PTGIS: variants seen among roughly 807,000 people sequenced by gnomAD.
PTGIS encodes the protein prostaglandin I2 synthase, also known as prostacyclin synthase.
PTGIS carries 45 observed loss-of-function variants against 50.3 expected under a neutral mutation model. That is an observed-to-expected ratio of 0.90 (90% CI 0.70 to 1.15). PTGIS has a LOEUF of 1.15. Ranked by LOEUF, PTGIS falls within the 50% of genes most tolerant of loss-of-function variation. The pLI is 0.00. For synonymous variants in PTGIS, 260 were observed against 267.7 expected (o/e 0.97, Z 0.28); for missense variants, 668 against 661.3 (o/e 1.01, Z -0.11).
At chr20:49,537,032 A>T (rs903800097) in intron 5 of PTGIS, among the ~76,000 whole-genome samples, 1 of 152,156 alleles carries the variant, frequency 6.6e-6, no homozygotes, top group Non-Finnish European at 1.5e-5. Flanking sequence ...CCAGCAAGGA[A>T]GCAGCAGCGC....
chr20:49,533,854 G>A (rs1261522679), intron 5 of PTGIS, among the ~76,000 whole-genome samples: 4 of 152,022 alleles, frequency 2.6e-5, no homozygotes, highest in African/African-American at 7.3e-5. Flanking sequence ...CCAGCTACTC[G>A]GGGGGCTGAG....
chr20:49,537,420 C>T (rs574460985), intron 5 of PTGIS, among the ~76,000 whole-genome samples: 7 of 152,262 alleles, frequency 4.6e-5, no homozygotes, highest in Admixed American at 3.9e-4. Context: ...AAGCTGTAAG[C>T]GGTACAACAA....
chr20:49,563,503 A>G (rs1982826156), intron 1 of PTGIS, among the ~76,000 whole-genome samples: 1 of 152,242 alleles, frequency 6.6e-6, no homozygotes, highest in Non-Finnish European at 1.5e-5. Context: ...AATAGGGAGT[A>G]GTGGGGACTG....
chr20:49,534,776 A>G (rs1982027590), intron 5 of PTGIS, among the ~76,000 whole-genome samples: 1 of 152,202 alleles, frequency 6.6e-6, no homozygotes, highest in Non-Finnish European at 1.5e-5. Context: ...GAGTTCCTCT[A>G]AAAAGATAAT....
At chr20:49,542,178 A>G (rs1162716307) in intron 4 of PTGIS, among the ~76,000 whole-genome samples, 1 of 152,140 alleles carries the variant, frequency 6.6e-6, no homozygotes, top group Non-Finnish European at 1.5e-5. Context: ...CAAGGTGAGG[A>G]CAGAGGAGAA....
intron 3 of PTGIS, 50 bp from the exon 4 acceptor site, chr20:49,544,498 A>G (rs1205634071): frequency 6.2e-7 from 1 of 1,609,108 alleles, no homozygotes; most frequent in South Asian, 1.1e-5. Context: ...AGGGAAATAC[A>G]CACCTACAGG....
At chr20:49,527,439 A>G (rs2036168347) in intron 5 of PTGIS, among the ~76,000 whole-genome samples, 1 of 152,196 alleles carries the variant, frequency 6.6e-6, no homozygotes, top group Admixed American at 6.5e-5. Context: ...CCTGGGCGAC[A>G]GAGACTCTGT....
At position 49,507,917 on chromosome 20, in the gene PTGIS, G is replaced by A; in HGVS notation, c.*3C>T. On this transcript the variant is annotated 3_prime_UTR_variant, in exon 10 of 10. Coordinates refer to ENST00000244043, the MANE Select transcript of PTGIS (RefSeq NM_000961.4). ...GAGCACGTGGATCCATCTGCTCCCTGTGTCATGGGCGGATGCGGTAGCGGA... is the reference window on the plus strand; with the variant it reads ...GAGCACGTGGATCCATCTGCTCCCTATGTCATGGGCGGATGCGGTAGCGGA... 6.2e-7 allele frequency: 1 copy of A among 1,611,406 alleles called. No individual in the cohort carries two copies.
intron 5 of PTGIS, among the ~76,000 whole-genome samples, chr20:49,528,377 C>T (rs1419433498): frequency 2.0e-5 from 3 of 152,020 alleles, no homozygotes; most frequent in East Asian, 3.9e-4. Context: ...TTGGGGAGGC[C>T]GAGACGGGCA....
chr20:49,542,789 TGA>T (rs1433851771), intron 4 of PTGIS, among the ~76,000 whole-genome samples: 2 of 152,174 alleles, frequency 1.3e-5, no homozygotes, highest in African/African-American at 4.8e-5. Flanking sequence ...GAGCTGTGGC[TGA>T]GAGTGCAGAC....
intron 5 of PTGIS, among the ~76,000 whole-genome samples, chr20:49,534,313 C>T (rs983000683): frequency 6.6e-6 from 1 of 152,158 alleles, no homozygotes; most frequent in African/African-American, 2.4e-5. Context: ...CAGGTTCTGC[C>T]AAAAGAGGCT....
rs756789210 is a variant in PTGIS, at chr20:49,511,021, C to G, written c.1358+7G>C. 2 of 1,612,554 alleles carry G rather than the reference C, an allele frequency of 1.2e-6. No homozygotes were observed. Among genetic ancestry groups the G allele is most frequent in the Admixed American group, 3.3e-5 (2 of 60,034 alleles). On this transcript the variant is annotated splice_region_variant and intron_variant, in intron 9 of 9. Transcript: ENST00000244043. ...CCACCCTGGCCCTGCCCTGGCCCCC[C>G]ACTCACTGTTTGATGCTGTTGACCG...
intron 5 of PTGIS, among the ~76,000 whole-genome samples, chr20:49,527,990 A>G (rs1981832954): frequency 6.6e-6 from 1 of 151,852 alleles, no homozygotes; most frequent in Non-Finnish European, 1.5e-5. Context: ...ACAAAAAAGG[A>G]TAAGCTGGGG....
intron 6 of PTGIS, among the ~76,000 whole-genome samples, chr20:49,517,688 G>A (rs987038394): frequency 2.0e-5 from 3 of 152,120 alleles, no homozygotes; most frequent in Admixed American, 6.5e-5. Context: ...CACTGACTGC[G>A]GGCCAGACCA....
Position 49,511,071 on chromosome 20 carries a change from T to C in PTGIS, c.1315A>G (p.Asn439Asp), listed in dbSNP as rs775208308. ...GCATAACTCCTCCCCAGGCAGTGATTGTGCCCCGCCCCCCAGGGCATGTTG... is the reference window on the plus strand; with the variant it reads ...GCATAACTCCTCCCCAGGCAGTGATCGTGCCCCGCCCCCCAGGGCATGTTG... ...NYNMPWGAGH[N>D]HCLGRSYAVN... The change falls in exon 9 of 10, where the codon AAT (asparagine) becomes GAT (aspartate). Residue 439 changes from asparagine (N) to aspartate (D), a missense_variant. Transcript: ENST00000244043. The C allele has an allele frequency of 3.7e-6, 6 of 1,614,092 alleles. No homozygotes were observed. The Admixed American group carries it at 6.7e-5, about 18-fold the overall frequency.
chr20:49,511,064 C>T lies in PTGIS; in HGVS notation c.1322G>A (p.Cys441Tyr). 1 of 1,614,018 alleles carries T rather than the reference C, an allele frequency of 6.2e-7. No homozygotes were observed. Among genetic ancestry groups the T allele is most frequent in the Non-Finnish European group, 8.5e-7 (1 of 1,180,002 alleles). The change falls in exon 9 of 10, where the codon TGC (cysteine) becomes TAC (tyrosine). Residue 441 changes from cysteine to tyrosine, a missense_variant. Transcript: ENST00000244043. ...GTTGACCGCATAACTCCTCCCCAGG[C>T]AGTGATTGTGCCCCGCCCCCCAGGG... is the stretch of plus-strand genomic sequence containing the variant. ...NMPWGAGHNH[C>Y]LGRSYAVNSI...
At position 49,513,116 on chromosome 20, in the gene PTGIS, G is replaced by C; in HGVS notation, c.1170C>G (p.Ser390Arg). Residue 390 changes from serine to arginine, a missense_variant, in exon 8 of 10, where the codon AGC (serine) becomes AGG (arginine). Coordinates refer to ENST00000244043, the MANE Select transcript of PTGIS (RefSeq NM_000961.4). ...TGTAGATTTCTGGGTCTCTCTGGGG[G>C]CTCAGGAAGGGGAAGAGGAGGAGGC... Reference protein sequence around the residue: ...GDRLLLFPFLSPQRDPEIYTD... With the variant: ...GDRLLLFPFLRPQRDPEIYTD... 1.2e-6 allele frequency: 2 copies of C among 1,608,370 alleles called. No homozygotes were observed. Among genetic ancestry groups the C allele is most frequent in the Non-Finnish European group, 1.7e-6 (2 of 1,177,584 alleles).
intron 1 of PTGIS, among the ~76,000 whole-genome samples, chr20:49,563,144 T>C (rs746117750): frequency 6.6e-6 from 1 of 152,192 alleles, no homozygotes; most frequent in Non-Finnish European, 1.5e-5. Flanking sequence ...TTCAACTCAA[T>C]GCAGGGCCTT....
In PTGIS at chr20:49,525,583, C is replaced by CT. The variant is rs66940862; in HGVS notation, c.674-1345dup. Among the ~76,000 whole-genome samples, 295 of 145,578 alleles carry CT rather than the reference C, an allele frequency of 2.0e-3. 1 individual carries two copies. The highest frequency in any genetic ancestry group is 2.8e-3 in the Non-Finnish European group (185 of 65,766). On this transcript the variant is annotated intron_variant, in intron 5 of 9. Transcript: ENST00000244043. The stretch of plus-strand genomic sequence containing the variant: ...TTAGATATTGTTTTCTTTTCTACTT[C>CT]TTTTTTTTTTTTTAAAATATTTTCA...
Sources: gnomAD v4.1 joint callset for allele counts (sites outside exome capture counted in the v4.1 genomes callset) on GRCh38, gnomAD v4.1.1 for gene constraint, MANE v1.5 for transcripts, NCBI Gene and HGNC (gene_info 2026-07-23, HGNC 2026-07-21) for gene names.